The following MCCC2 variants were observed in gnomAD, a reference collection of about 807,000 sequenced individuals.
MCCC2 encodes methylcrotonoyl-CoA carboxylase beta chain, mitochondrial.
In MCCC2, 52 loss-of-function variants were observed where a neutral mutation model predicts 77.2. That is an observed-to-expected ratio of 0.67 (90% CI 0.54 to 0.85). The LOEUF (loss-of-function observed/expected upper bound fraction) is 0.85. Ranked by LOEUF, MCCC2 falls within the 40% of genes least tolerant of loss-of-function variation. The pLI is 0.00. For synonymous variants in MCCC2, 253 were observed against 248.4 expected (o/e 1.02, Z -0.18); for missense variants, 682 against 703.2 (o/e 0.97, Z 0.34).
chr5:71,635,345 C>T (rs745376532), intron 10 of MCCC2, 99 bp downstream of exon 10: 1 of 1,044,622 alleles, frequency 9.6e-7, no homozygotes, highest in Non-Finnish European at 1.5e-6. Context: ...ATGTTCATGC[C>T]TAGAAATAGA....
intron 4 of MCCC2, among the ~76,000 whole-genome samples, chr5:71,601,313 A>G (rs1745420562): frequency 6.6e-6 from 1 of 152,180 alleles, no homozygotes. Context: ...GCCTCTTTCC[A>G]GTACCAGAGC....
Position 71,635,047 on chromosome 5 carries a change from G to A in MCCC2, c.903+5G>A, listed in dbSNP as rs1274635615. 5.0e-6 allele frequency: 8 copies of A among 1,613,522 alleles called. No individual in the cohort carries two copies. The highest frequency in any genetic ancestry group is 1.3e-5 in the African/African-American group (1 of 74,918). ...AATTATCAGAAGAAATTGGATGTGAGTACGATATGTTCTTATATCTTTTAT... is the reference window on the plus strand; with the variant it reads ...AATTATCAGAAGAAATTGGATGTGAATACGATATGTTCTTATATCTTTTAT... On this transcript the variant is annotated splice_donor_5th_base_variant and intron_variant, in intron 9 of 16. Transcript: ENST00000340941.
intron 2 of MCCC2, 95 bp downstream of exon 2, chr5:71,593,087 A>ATT: frequency 1.9e-6 from 2 of 1,037,328 alleles, no homozygotes; most frequent in East Asian, 2.7e-5. Context: ...TAAGCTTTTG[A>ATT]TATTTTTTTT....
intron 7 of MCCC2, among the ~76,000 whole-genome samples, chr5:71,631,331 C>T (rs932135077): frequency 3.9e-5 from 6 of 152,046 alleles, no homozygotes; most frequent in African/African-American, 1.4e-4. Flanking sequence ...TCTATTAATA[C>T]CATGGAGAAG....
chr5:71,605,820 A>G (rs1745648741), intron 6 of MCCC2, among the ~76,000 whole-genome samples: 1 of 152,134 alleles, frequency 6.6e-6, no homozygotes, highest in Admixed American at 6.6e-5. Flanking sequence ...TCCCAACACC[A>G]TTTATTAAAT....
At chr5:71,596,927 G>A (rs527809975) in intron 3 of MCCC2, among the ~76,000 whole-genome samples, 12 of 151,638 alleles carry the variant, frequency 7.9e-5, no homozygotes, top group Admixed American at 5.9e-4. Context: ...GTGACAGAGC[G>A]AGACTCTGTC....
At position 71,590,110 on chromosome 5, in the gene MCCC2, AC is replaced by A. The variant is rs34303170; in HGVS notation, c.129+2557del. 8.3e-5 allele frequency among the ~76,000 whole-genome samples: 5 copies of A among 60,450 alleles called. No individual in the cohort carries two copies. The East Asian group carries it at 4.5e-3, about 54-fold the overall frequency. 39.7% of individuals were successfully genotyped at this position (60,450 alleles called of 152,430 possible). The stretch of plus-strand genomic sequence containing the variant: ...GAATGTTGTTTCGCAGGTGATTAAA[AC>A]ACACACACACACACACACAAACACA... On this transcript the variant is annotated intron_variant, in intron 1 of 16. Transcript: ENST00000340941.
chr5:71,615,232 G>A (rs1056954857), intron 6 of MCCC2, among the ~76,000 whole-genome samples: 1 of 152,194 alleles, frequency 6.6e-6, no homozygotes. Flanking sequence ...ACCTCCCAGA[G>A]TGCTAGGATT....
chr5:71,637,404 C>G (rs1292744375), intron 10 of MCCC2, among the ~76,000 whole-genome samples: 1 of 152,174 alleles, frequency 6.6e-6, no homozygotes, highest in South Asian at 2.1e-4. Context: ...TATATTTATA[C>G]TATATTGTAG....
intron 1 of MCCC2, among the ~76,000 whole-genome samples, chr5:71,588,844 A>G (rs1299143103): frequency 6.6e-6 from 1 of 152,186 alleles, no homozygotes; most frequent in Non-Finnish European, 1.5e-5. Flanking sequence ...AATTCATTGA[A>G]TAGTGTCTGG....
chr5:71,604,413 A>C lies in MCCC2; in HGVS notation c.569A>C (p.His190Pro). 1 of 1,614,150 alleles carries C rather than the reference A, an allele frequency of 6.2e-7. No homozygotes were observed. Among genetic ancestry groups the C allele is most frequent in the Non-Finnish European group, 8.5e-7 (1 of 1,180,014 alleles). ...GCAGATGTGTTTCCAGATCGAGACC[A>C]CTTTGGCCGTACATTCTATAATCAG... is the stretch of plus-strand genomic sequence containing the variant. Reference protein sequence around the residue: ...RQADVFPDRDHFGRTFYNQAI... With the variant: ...RQADVFPDRDPFGRTFYNQAI... Residue 190 changes from histidine (H) to proline (P), a missense_variant, in exon 6 of 17, where the codon CAC (histidine) becomes CCC (proline). By Grantham distance (77) the His-to-Pro change is moderately conservative. Transcript: ENST00000340941.
rs548725229 is a variant in MCCC2 at position 71,649,221 on chromosome 5, C to T, written c.1341C>T (p.Ala447=). The change falls in exon 14 of 17, where the codon GCC becomes GCT. Residue 447 remains alanine (A), a synonymous_variant. Coordinates refer to ENST00000340941, the MANE Select transcript of MCCC2 (RefSeq NM_022132.5). ...TCATCATTGGGGGCTCCTATGGAGC[C>T]GGAAACTATGGGATGTGTGGCAGAG... The part of the protein sequence containing the change: ...ITLIIGGSYG[A]GNYGMCGRAY... The T allele has an allele frequency of 4.4e-5, 71 of 1,614,060 alleles. No individual in the cohort carries two copies. The highest frequency in any genetic ancestry group is 8.8e-5 in the South Asian group (8 of 91,066).
Position 71,646,273 on chromosome 5 carries a change from T to G in MCCC2, c.1212T>G (p.Ile404Met). 6.2e-7 allele frequency: 1 copy of G among 1,613,636 alleles called. No individual in the cohort carries two copies. The highest frequency in any genetic ancestry group is 8.5e-7 in the Non-Finnish European group (1 of 1,179,676). The stretch of plus-strand genomic sequence containing the variant: ...TTCCTCTGCTGTTCCTTCAAAACAT[T>G]ACTGGTAAGAAAATAGCTTAATCAG... The part of the protein sequence containing the change: ...RNIPLLFLQN[I>M]TGFMVGREYE... Residue 404 changes from isoleucine to methionine, a missense_variant, in exon 13 of 17, where the codon ATT (isoleucine) becomes ATG (methionine). Ile to Met is a conservative substitution (Grantham distance 10, BLOSUM62 1). Coordinates refer to ENST00000340941, the MANE Select transcript of MCCC2 (RefSeq NM_022132.5).
chr5:71,601,935 A>G (rs1286590303), intron 4 of MCCC2, among the ~76,000 whole-genome samples: 1 of 152,152 alleles, frequency 6.6e-6, no homozygotes, highest in Admixed American at 6.6e-5. Flanking sequence ...TGTTTTTAGT[A>G]TATTAAAGTT....
chr5:71,607,356 A>G (rs1346194537), intron 6 of MCCC2, among the ~76,000 whole-genome samples: 1 of 151,602 alleles, frequency 6.6e-6, no homozygotes, highest in Admixed American at 6.6e-5. Flanking sequence ...TTTCTAGTTT[A>G]TTTGCGTAGA....
Position 71,656,994 on chromosome 5 carries a change from T to TA in MCCC2, c.*141dup, listed in dbSNP as rs879401141. The TA allele has an allele frequency of 7.3e-6, 5 of 680,302 alleles. No individual in the cohort carries two copies. Among genetic ancestry groups the TA allele is most frequent in the Admixed American group, 7.2e-5 (3 of 41,916 alleles). The allele number at this position is 680,302 out of a possible 1,614,324, so 42.1% of individuals were successfully genotyped here. A position where few individuals can be genotyped will look rare whatever the true frequency, so the allele number is the denominator to read the frequency against. On this transcript the variant is annotated 3_prime_UTR_variant, in exon 17 of 17. Transcript: ENST00000340941. ...CACTGTGCATTGTACTTTTCTACCT[T>TA]AAAAAAATCAGTGAGGATATTTATT...
chr5:71,651,551 A>G (rs1747438339), intron 15 of MCCC2, among the ~76,000 whole-genome samples: 1 of 152,136 alleles, frequency 6.6e-6, no homozygotes, highest in South Asian at 2.1e-4. Flanking sequence ...GAATGGAGGG[A>G]GCCCTGTCTG....
intron 6 of MCCC2, among the ~76,000 whole-genome samples, chr5:71,616,531 CTG>C (rs1746159885): frequency 1.3e-5 from 2 of 152,178 alleles, no homozygotes; most frequent in African/African-American, 2.4e-5. Context: ...TATTGAGTGA[CTG>C]TGTCAGACAG....
intron 6 of MCCC2, among the ~76,000 whole-genome samples, chr5:71,612,701 G>T (rs2112366757): frequency 6.6e-6 from 1 of 152,232 alleles, no homozygotes; most frequent in East Asian, 1.9e-4. Context: ...GTTTCCTAGG[G>T]CTGTTGTAAC....
Sources: gnomAD v4.1 joint callset for allele counts (sites outside exome capture counted in the v4.1 genomes callset) on GRCh38, gnomAD v4.1.1 for gene constraint, MANE v1.5 for transcripts, NCBI Gene and HGNC (gene_info 2026-07-23, HGNC 2026-07-21) for gene names.